Variants in TOM1L2 observed in about 807,000 individuals in gnomAD.
The protein encoded by TOM1L2 is TOM1-like protein 2.
A neutral mutation model predicts 67.9 loss-of-function variants in TOM1L2; 31 were observed. The ratio of observed to expected loss-of-function variants is 0.46; its 90% CI spans 0.34 to 0.62. The LOEUF (loss-of-function observed/expected upper bound fraction) is 0.62, where lower values mean the gene tolerates loss of function less well. Ranked by LOEUF, TOM1L2 falls within the 20% of genes least tolerant of loss-of-function variation. The probability of loss-of-function intolerance (pLI) is 0.01; values close to 1 mark genes in which losing one functional copy is unlikely to be tolerated. For missense variants in TOM1L2, 606 were observed against 663.5 expected, an observed-to-expected ratio of 0.91 and a Z score of 0.95; for synonymous variants, 256 against 254.0, an observed-to-expected ratio of 1.01 and a Z score of -0.07.
At chr17:17,886,170 A>G (rs2144114350) in intron 4 of TOM1L2, among the ~76,000 whole-genome samples, 1 of 151,240 alleles carries the variant, frequency 6.6e-6, no homozygotes, top group South Asian at 2.1e-4. Context: ...GCAGCCACAG[A>G]AACTCTGTCT....
At chr17:17,857,463 A>C (rs2036307881) in intron 12 of TOM1L2, among the ~76,000 whole-genome samples, 1 of 152,170 alleles carries the variant, frequency 6.6e-6, no homozygotes, top group Non-Finnish European at 1.5e-5. Flanking sequence ...ATCCTGGAAA[A>C]GTGAATACTG....
rs79482298 is a variant in TOM1L2, at chr17:17,950,776, T to C, written c.52+21486A>G. ...AATGTGCCCAAGTAAAAAAAGTTAG[T>C]CAATACACAGAAAATCTGTGACAGC... On this transcript the variant is annotated intron_variant, in intron 1 of 14. Transcript: ENST00000379504. Among the ~76,000 whole-genome samples, 294 of 152,250 alleles carry C rather than the reference T, an allele frequency of 1.9e-3. 1 individual carries two copies. Among genetic ancestry groups the C allele is most frequent in the African/African-American group, 6.9e-3 (285 of 41,544 alleles).
intron 1 of TOM1L2, among the ~76,000 whole-genome samples, chr17:17,914,350 T>C (rs2144531870): frequency 6.6e-6 from 1 of 152,292 alleles, no homozygotes; most frequent in African/African-American, 2.4e-5. Flanking sequence ...GCCCTCAGTC[T>C]TTTCTTCTCT....
intron 1 of TOM1L2, among the ~76,000 whole-genome samples, chr17:17,951,493 T>C (rs551966162): frequency 1.3e-5 from 2 of 152,316 alleles, no homozygotes; most frequent in African/African-American, 4.8e-5. Context: ...GCATAAAAAG[T>C]TGCTGCCCTG....
chr17:17,922,774 T>C (rs1226599206), intron 1 of TOM1L2, among the ~76,000 whole-genome samples: 1 of 152,134 alleles, frequency 6.6e-6, no homozygotes, highest in Non-Finnish European at 1.5e-5. Context: ...ATTCTTAACT[T>C]GTGTATTCTG....
chr17:17,971,279 T>C (rs928517353), intron 1 of TOM1L2, among the ~76,000 whole-genome samples: 2 of 152,078 alleles, frequency 1.3e-5, no homozygotes, highest in East Asian at 1.9e-4. Flanking sequence ...TCCAAACACT[T>C]TGACAGACAG....
chr17:17,951,381 C>T (rs143752965), intron 1 of TOM1L2, among the ~76,000 whole-genome samples: 1 of 152,214 alleles, frequency 6.6e-6, no homozygotes, highest in East Asian at 1.9e-4. Context: ...CTTTGTCTTA[C>T]TGGGTTAGAG....
At chr17:17,886,623 A>G (rs193178991) in intron 4 of TOM1L2, among the ~76,000 whole-genome samples, 2 of 152,368 alleles carry the variant, frequency 1.3e-5, no homozygotes, top group East Asian at 1.9e-4. Context: ...GAAAAAACAC[A>G]TGGCAGTTCT....
At chr17:17,852,984 G>A (rs144373290) in intron 12 of TOM1L2, among the ~76,000 whole-genome samples, 5 of 151,712 alleles carry the variant, frequency 3.3e-5, no homozygotes, top group Non-Finnish European at 7.4e-5. Context: ...GGGGATGGAC[G>A]CACAAATGAC....
chr17:17,920,724 T>A (rs916574788), intron 1 of TOM1L2, among the ~76,000 whole-genome samples: 1 of 152,068 alleles, frequency 6.6e-6, no homozygotes, highest in African/African-American at 2.4e-5. Flanking sequence ...AACCTCTGCC[T>A]CCTGAGTTCA....
At chr17:17,956,486 C>T (rs966246002) in intron 1 of TOM1L2, among the ~76,000 whole-genome samples, 2 of 152,258 alleles carry the variant, frequency 1.3e-5, no homozygotes, top group African/African-American at 4.8e-5. Context: ...CAGTCCCTGG[C>T]AGTGCGCCTG....
chr17:17,961,146 C>CTT (rs2041661139), intron 1 of TOM1L2, among the ~76,000 whole-genome samples: 2 of 152,098 alleles, frequency 1.3e-5, no homozygotes, highest in Non-Finnish European at 2.9e-5. Flanking sequence ...CCAAAGAAGA[C>CTT]ATACAAATGG....
rs897601497 is a variant in TOM1L2, at chr17:17,921,319, C to T, written c.53-13788G>A. 4.6e-5 allele frequency among the ~76,000 whole-genome samples: 7 copies of T among 152,236 alleles called. 1 individual carries two copies. Among genetic ancestry groups the T allele is most frequent in the Admixed American group, 2.6e-4 (4 of 15,288 alleles). On this transcript the variant is annotated intron_variant, in intron 1 of 14. Coordinates refer to ENST00000379504, the MANE Select transcript of TOM1L2 (RefSeq NM_001082968.2). ...AGAAAACAGAAGCTTGTTAGCCACA[C>T]AGGCCCGAGGCTGCTGACCCAAGTT...
intron 1 of TOM1L2, among the ~76,000 whole-genome samples, chr17:17,947,417 G>A (rs2040997743): frequency 6.6e-6 from 1 of 152,194 alleles, no homozygotes. Flanking sequence ...CTCACAATAT[G>A]ACTGATTGAA....
rs143141192 is a variant in TOM1L2, at chr17:17,965,668, C to T, written c.52+6594G>A. On this transcript the variant is annotated intron_variant, in intron 1 of 14. Coordinates refer to ENST00000379504, the MANE Select transcript of TOM1L2 (RefSeq NM_001082968.2). ...CTAGCTGTGTGACCTTAGGTAGGTTCCATACTTTCTCATTGTCTTAATGTC... is the reference window on the plus strand; with the variant it reads ...CTAGCTGTGTGACCTTAGGTAGGTTTCATACTTTCTCATTGTCTTAATGTC... 1.5e-3 allele frequency among the ~76,000 whole-genome samples: 223 copies of T among 152,298 alleles called. 1 individual carries two copies. The highest frequency in any genetic ancestry group is 4.7e-3 in the African/African-American group (195 of 41,570).
chr17:17,927,491 A>T (rs1298439241), intron 1 of TOM1L2, among the ~76,000 whole-genome samples: 2 of 152,194 alleles, frequency 1.3e-5, no homozygotes, highest in Non-Finnish European at 2.9e-5. Context: ...GTGATACATC[A>T]AGGGAAACAT....
At chr17:17,925,663 G>A (rs186380940) in intron 1 of TOM1L2, among the ~76,000 whole-genome samples, 18 of 128,338 alleles carry the variant, frequency 1.4e-4, no homozygotes, top group Admixed American at 8.7e-4. Context: ...CCAACATAGC[G>A]ACCTCACCTC....
chr17:17,955,546 G>A (rs1196160511), intron 1 of TOM1L2, among the ~76,000 whole-genome samples: 2 of 151,922 alleles, frequency 1.3e-5, no homozygotes, highest in Non-Finnish European at 2.9e-5. Flanking sequence ...TCACCATATT[G>A]GCCAGGACAG....
chr17:17,864,384 G>T (rs534625542), intron 10 of TOM1L2, among the ~76,000 whole-genome samples: 4 of 149,902 alleles, frequency 2.7e-5, no homozygotes, highest in Non-Finnish European at 5.9e-5. Context: ...CTAATTTTTT[G>T]TATTTTTAGT....
Sources: gnomAD v4.1 joint callset for allele counts (sites outside exome capture counted in the v4.1 genomes callset) on GRCh38, gnomAD v4.1.1 for gene constraint, MANE v1.5 for transcripts, NCBI Gene and HGNC (gene_info 2026-07-23, HGNC 2026-07-21) for gene names.